Variants in KLF12 observed in about 807,000 individuals in gnomAD.
The protein encoded by KLF12 is Krueppel-like factor 12.
Under a neutral mutation model 37.8 loss-of-function variants are expected in KLF12, and 9 were observed. The ratio of observed to expected loss-of-function variants is 0.24; its 90% CI spans 0.14 to 0.42. KLF12 has a LOEUF of 0.42. Among genes scored for constraint, KLF12 ranks in the 10% least tolerant of loss-of-function variants. The probability of loss-of-function intolerance (pLI) is 1.00; values close to 1 mark genes in which losing one functional copy is unlikely to be tolerated. For synonymous variants in KLF12, 208 were observed against 202.1 expected (o/e 1.03, Z -0.25); for missense variants, 411 against 516.0 (o/e 0.80, Z 1.97).
intron 3 of KLF12, among the ~76,000 whole-genome samples, chr13:73,931,087 A>C (rs974315042): frequency 1.3e-5 from 2 of 151,624 alleles, no homozygotes; most frequent in Non-Finnish European, 2.9e-5. Flanking sequence ...CAAACTCCCA[A>C]CCTCAGGTGA....
the KLF12 span, among the ~76,000 whole-genome samples, chr13:74,153,106 A>G: frequency 6.6e-6 from 1 of 150,952 alleles, no homozygotes; most frequent in African/African-American, 2.4e-5. Context: ...TAGTTAGAAA[A>G]TTTGGGTGTT....
chr13:74,181,620 A>G, the KLF12 span, among the ~76,000 whole-genome samples: 1 of 150,616 alleles, frequency 6.6e-6, no homozygotes, highest in Non-Finnish European at 1.5e-5. Context: ...AATCGCTTGA[A>G]CCCAGGAGGC....
the KLF12 span, among the ~76,000 whole-genome samples, chr13:74,256,468 T>C: frequency 0.011 from 1,617 of 151,716 alleles, 34 homozygotes; most frequent in African/African-American, 0.036. Context: ...TGGGACTGTA[T>C]TAGGGACTGG....
At chr13:73,936,143 T>C (rs1039873942) in intron 3 of KLF12, among the ~76,000 whole-genome samples, 1 of 152,222 alleles carries the variant, frequency 6.6e-6, no homozygotes, top group Non-Finnish European at 1.5e-5. Context: ...TCTATTTTCC[T>C]GCTTCTTTGT....
intron 6 of KLF12, among the ~76,000 whole-genome samples, chr13:73,721,446 T>A (rs1172591381): frequency 2.0e-5 from 3 of 152,238 alleles, no homozygotes; most frequent in Non-Finnish European, 4.4e-5. Flanking sequence ...CATATACTTT[T>A]CTCTGGAGAA....
chr13:73,759,771 C>T (rs568523157), intron 6 of KLF12, among the ~76,000 whole-genome samples: 1 of 152,230 alleles, frequency 6.6e-6, no homozygotes, highest in Non-Finnish European at 1.5e-5. Context: ...CTTGATGATG[C>T]TTGCATTTCC....
chr13:73,846,924 C>T (rs1885059814), intron 3 of KLF12, among the ~76,000 whole-genome samples: 1 of 152,054 alleles, frequency 6.6e-6, no homozygotes, highest in Non-Finnish European at 1.5e-5. Context: ...ATGTGCACAA[C>T]TACAAGTGAC....
chr13:73,958,939 G>T (rs773269211), intron 2 of KLF12, among the ~76,000 whole-genome samples: 1 of 150,934 alleles, frequency 6.6e-6, no homozygotes, highest in Admixed American at 6.6e-5. Context: ...CATCTGCTAG[G>T]CAGACTTCAG....
intron 3 of KLF12, among the ~76,000 whole-genome samples, chr13:73,929,357 T>A (rs941845410): frequency 3.5e-4 from 54 of 152,300 alleles, no homozygotes; most frequent in African/African-American, 1.3e-3. Flanking sequence ...GCAGATATTA[T>A]AATCCCCATT....
At chr13:74,042,389 C>T (rs144455329) in intron 1 of KLF12, among the ~76,000 whole-genome samples, 8 of 152,002 alleles carry the variant, frequency 5.3e-5, no homozygotes, top group South Asian at 2.1e-4. Flanking sequence ...GTGCATTCAG[C>T]GTTAAGGACC....
intron 1 of KLF12, among the ~76,000 whole-genome samples, chr13:74,101,112 T>C (rs1465938059): frequency 6.6e-6 from 1 of 152,014 alleles, no homozygotes; most frequent in Non-Finnish European, 1.5e-5. Flanking sequence ...GAATATGTCT[T>C]CCCCTTACCT....
At chr13:74,260,245 CAT>C in the KLF12 span, among the ~76,000 whole-genome samples, 1 of 152,044 alleles carries the variant, frequency 6.6e-6, no homozygotes, top group Non-Finnish European at 1.5e-5. Flanking sequence ...TCATGTGACA[CAT>C]AGCAACAATT....
chr13:74,164,127 T>C, the KLF12 span, among the ~76,000 whole-genome samples: 2 of 152,106 alleles, frequency 1.3e-5, no homozygotes, highest in Non-Finnish European at 2.9e-5. Flanking sequence ...GAAAAACCTT[T>C]GGTTTGAAAG....
At chr13:73,922,845 A>G (rs1406638929) in intron 3 of KLF12, among the ~76,000 whole-genome samples, 1 of 152,202 alleles carries the variant, frequency 6.6e-6, no homozygotes, top group Non-Finnish European at 1.5e-5. Context: ...ATCATGCACT[A>G]GGGCTCCTGA....
chr13:74,059,880 A>G (rs1873473090), intron 1 of KLF12, among the ~76,000 whole-genome samples: 4 of 152,156 alleles, frequency 2.6e-5, no homozygotes. Flanking sequence ...TTTACCTTCC[A>G]GGGCTTTTAT....
chr13:74,016,772 T>C (rs564455987), intron 1 of KLF12, among the ~76,000 whole-genome samples: 15 of 152,278 alleles, frequency 9.9e-5, no homozygotes, highest in Admixed American at 9.2e-4. Context: ...ATTCTACTTT[T>C]AGAAACATGC....
chr13:74,246,241 G>A, the KLF12 span, among the ~76,000 whole-genome samples: 2 of 152,182 alleles, frequency 1.3e-5, no homozygotes, highest in Non-Finnish European at 2.9e-5. Flanking sequence ...CCTGGTACTA[G>A]GGTTTGATCA....
chr13:73,811,916 C>T (rs1053112917), intron 5 of KLF12, among the ~76,000 whole-genome samples: 3 of 151,990 alleles, frequency 2.0e-5, no homozygotes, highest in African/African-American at 7.2e-5. Context: ...AATGCAATAC[C>T]AAGGCTCTCT....
chr13:73,960,554 A>G (rs1476797049), intron 2 of KLF12, among the ~76,000 whole-genome samples: 2 of 152,222 alleles, frequency 1.3e-5, no homozygotes, highest in Non-Finnish European at 2.9e-5. Context: ...TAAAGTGTAA[A>G]AGAGTCATTT....
Sources: gnomAD v4.1 joint callset for allele counts (sites outside exome capture counted in the v4.1 genomes callset) on GRCh38, gnomAD v4.1.1 for gene constraint, MANE v1.5 for transcripts, NCBI Gene and HGNC (gene_info 2026-07-23, HGNC 2026-07-21) for gene names.